CLSTN2: variants seen among roughly 807,000 people sequenced by gnomAD.
The protein encoded by CLSTN2 is calsyntenin 2.
Under a neutral mutation model 101.2 loss-of-function variants are expected in CLSTN2, and 48 were observed. The observed-to-expected ratio is 0.47, with a 90% CI of 0.38 to 0.60. The LOEUF (loss-of-function observed/expected upper bound fraction) is 0.60. Among genes scored for constraint, CLSTN2 ranks in the 20% least tolerant of loss-of-function variants. The pLI is 0.00. For synonymous variants in CLSTN2, 481 were observed against 463.6 expected, an observed-to-expected ratio of 1.04 and a Z score of -0.48; for missense variants, 1,160 against 1,238.2, an observed-to-expected ratio of 0.94 and a Z score of 0.95.
chr3:140,032,969 A>G (rs2007586229), intron 1 of CLSTN2, among the ~76,000 whole-genome samples: 1 of 152,222 alleles, frequency 6.6e-6, no homozygotes, highest in Non-Finnish European at 1.5e-5. Context: ...TTAAAGTGAG[A>G]CAGTACCCAT....
At chr3:140,309,757 TCTC>T (rs1170928857) in intron 2 of CLSTN2, among the ~76,000 whole-genome samples, 1 of 151,974 alleles carries the variant, frequency 6.6e-6, no homozygotes, top group African/African-American at 2.4e-5. Context: ...CCTTCGTGCT[TCTC>T]CTTCCCTATT....
chr3:140,490,125 C>T (rs373505652), intron 8 of CLSTN2, among the ~76,000 whole-genome samples: 496 of 3,774 alleles, frequency 0.13, 186 homozygotes, highest in Middle Eastern at 0.33. Context: ...TATACACACA[C>T]ACACACACAC....
chr3:140,220,559 C>G (rs2086260976), intron 2 of CLSTN2, among the ~76,000 whole-genome samples: 1 of 152,162 alleles, frequency 6.6e-6, no homozygotes, highest in Admixed American at 6.5e-5. Flanking sequence ...TTATTATTAC[C>G]TGAATAACTC....
intron 2 of CLSTN2, among the ~76,000 whole-genome samples, chr3:140,254,627 T>G (rs1309359468): frequency 6.6e-6 from 1 of 152,150 alleles, no homozygotes; most frequent in Admixed American, 6.5e-5. Flanking sequence ...GGCATACAGA[T>G]GCAGAAGATT....
chr3:140,562,360 C>T, intron 13 of CLSTN2, 52 bp downstream of exon 13: 1 of 1,532,192 alleles, frequency 6.5e-7, no homozygotes, highest in Non-Finnish European at 8.8e-7. Context: ...TTAGAATGTC[C>T]TTGTCCAGGG....
chr3:140,413,256 T>G (rs1453785572), intron 4 of CLSTN2, among the ~76,000 whole-genome samples: 1 of 152,148 alleles, frequency 6.6e-6, no homozygotes, highest in Non-Finnish European at 1.5e-5. Context: ...GGTAAGAGAC[T>G]GCTAAGAACA....
At chr3:140,313,202 T>G (rs1265654008) in intron 2 of CLSTN2, among the ~76,000 whole-genome samples, 4 of 152,160 alleles carry the variant, frequency 2.6e-5, no homozygotes, top group African/African-American at 9.7e-5. Flanking sequence ...TTTACAGCTC[T>G]TTATTGAACC....
At chr3:140,562,404 C>A in intron 13 of CLSTN2, 96 bp downstream of exon 13, 3 of 1,201,532 alleles carry the variant, frequency 2.5e-6, no homozygotes, top group Non-Finnish European at 3.5e-6. Flanking sequence ...TGAAGGAGCA[C>A]TGTGAAGCCC....
intron 1 of CLSTN2, among the ~76,000 whole-genome samples, chr3:140,130,524 C>T (rs2009506215): frequency 6.6e-6 from 1 of 152,184 alleles, no homozygotes; most frequent in Non-Finnish European, 1.5e-5. Flanking sequence ...CTCATTAATT[C>T]TCTCAGTGAA....
At chr3:140,216,504 C>T (rs1398246286) in intron 2 of CLSTN2, among the ~76,000 whole-genome samples, 1 of 152,100 alleles carries the variant, frequency 6.6e-6, no homozygotes, top group Non-Finnish European at 1.5e-5. Context: ...GCTTCTCCTC[C>T]CCTTTAAGCT....
At chr3:140,303,786 GGCATCAACTT>G (rs2087084562) in intron 2 of CLSTN2, among the ~76,000 whole-genome samples, 1 of 151,868 alleles carries the variant, frequency 6.6e-6, no homozygotes, top group Non-Finnish European at 1.5e-5. Flanking sequence ...TATCCTAAGA[GGCATCAACTT>G]GCTCTGGCCA....
chr3:139,982,984 T>C (rs1353395921), intron 1 of CLSTN2, among the ~76,000 whole-genome samples: 1 of 135,018 alleles, frequency 7.4e-6, no homozygotes. Flanking sequence ...TTTATATATA[T>C]AGTGTATATA....
At chr3:140,495,233 C>T (rs1278058826) in intron 8 of CLSTN2, among the ~76,000 whole-genome samples, 1 of 152,126 alleles carries the variant, frequency 6.6e-6, no homozygotes, top group Non-Finnish European at 1.5e-5. Context: ...GTTGAGCTTT[C>T]TGTAAATATG....
chr3:140,102,261 G>A (rs915514355), intron 1 of CLSTN2, among the ~76,000 whole-genome samples: 5 of 152,302 alleles, frequency 3.3e-5, no homozygotes, highest in South Asian at 2.1e-4. Flanking sequence ...CGGAGTTGTA[G>A]ATGGAGTTGA....
At chr3:140,543,498 T>C (rs985259750) in intron 9 of CLSTN2, among the ~76,000 whole-genome samples, 1 of 152,194 alleles carries the variant, frequency 6.6e-6, no homozygotes, top group African/African-American at 2.4e-5. Flanking sequence ...GGGTGGCAAG[T>C]AACAACACTG....
intron 1 of CLSTN2, among the ~76,000 whole-genome samples, chr3:140,024,955 T>C (rs2107757260): frequency 6.6e-6 from 1 of 152,338 alleles, no homozygotes; most frequent in East Asian, 1.9e-4. Flanking sequence ...TAAATCTTAA[T>C]AGTTATATAC....
chr3:140,427,589 T>G (rs191283982), intron 5 of CLSTN2, among the ~76,000 whole-genome samples: 1 of 151,956 alleles, frequency 6.6e-6, no homozygotes, highest in Non-Finnish European at 1.5e-5. Context: ...ATGTGCTTGA[T>G]AGTGGAGGGC....
At chr3:140,095,695 A>G (rs1297267763) in intron 1 of CLSTN2, among the ~76,000 whole-genome samples, 1 of 152,166 alleles carries the variant, frequency 6.6e-6, no homozygotes, top group African/African-American at 2.4e-5. Context: ...TATTGGTCAC[A>G]TGACACTAAA....
chr3:140,335,939 C>T (rs965654637), intron 2 of CLSTN2, among the ~76,000 whole-genome samples: 4 of 152,118 alleles, frequency 2.6e-5, no homozygotes, highest in South Asian at 4.2e-4. Flanking sequence ...GGATCCCTCC[C>T]GTCCCATAAA....
Sources: gnomAD v4.1 joint callset for allele counts (sites outside exome capture counted in the v4.1 genomes callset) on GRCh38, gnomAD v4.1.1 for gene constraint, MANE v1.5 for transcripts, NCBI Gene and HGNC (gene_info 2026-07-23, HGNC 2026-07-21) for gene names.